NFATC1: variants seen among roughly 807,000 people sequenced by gnomAD.
NFATC1 encodes the protein nuclear factor of activated T-cells, cytoplasmic 1.
In NFATC1, 22 loss-of-function variants were observed where a neutral mutation model predicts 76.0. That is an observed-to-expected ratio of 0.29 (90% CI 0.21 to 0.41). NFATC1 has a LOEUF of 0.41. Ranked by LOEUF, NFATC1 falls within the 10% of genes least tolerant of loss-of-function variation. The pLI, the probability that NFATC1 is intolerant of heterozygous loss-of-function variation, is 1.00. For synonymous variants in NFATC1, 704 were observed against 613.1 expected (o/e 1.15, Z -2.19); for missense variants, 1,357 against 1,337.7 (o/e 1.01, Z -0.23).
chr18:79,489,229 A>G (rs1382975886), intron 9 of NFATC1, among the ~76,000 whole-genome samples: 1 of 152,150 alleles, frequency 6.6e-6, no homozygotes, highest in Non-Finnish European at 1.5e-5. Flanking sequence ...TTGGAGCTGC[A>G]TGGGTGTGGG....
At chr18:79,473,209 G>T (rs1251798770) in intron 8 of NFATC1, among the ~76,000 whole-genome samples, 2 of 152,268 alleles carry the variant, frequency 1.3e-5, no homozygotes, top group Admixed American at 1.3e-4. Context: ...GTGCTTCTGG[G>T]GTTGGAGCTG....
intron 1 of NFATC1, among the ~76,000 whole-genome samples, chr18:79,397,416 T>C (rs62096864): frequency 0.13 from 14,876 of 117,772 alleles, 1,030 homozygotes; most frequent in Non-Finnish European, 0.18. Context: ...GGGGCTTGCT[T>C]GAGAACCGGG....
At chr18:79,489,543 T>C (rs1372328545) in intron 9 of NFATC1, among the ~76,000 whole-genome samples, 1 of 152,128 alleles carries the variant, frequency 6.6e-6, no homozygotes, top group African/African-American at 2.4e-5. Flanking sequence ...GAGGACAACC[T>C]CTCCCCGCAG....
At chr18:79,400,144 C>A (rs1208247305) in intron 1 of NFATC1, 4 of 891,032 alleles carry the variant, frequency 4.5e-6, no homozygotes, top group East Asian at 8.3e-5. Flanking sequence ...CGCGAGGGGG[C>A]GGGGGCGGGG....
At position 79,400,684 on chromosome 18, in the gene NFATC1, G is replaced by C. The variant is rs1310819070; in HGVS notation, c.127+4333G>C. Among the ~76,000 whole-genome samples, 5 of 61,024 alleles carry C rather than the reference G, an allele frequency of 8.2e-5. No individual in the cohort carries two copies. In the East Asian group the frequency reaches 3.5e-3, roughly 42 times the overall value. The allele number at this position is 61,024 out of a possible 152,430, so 40.0% of individuals were successfully genotyped here. On this transcript the variant is annotated intron_variant, in intron 1 of 9. Coordinates refer to ENST00000427363, the MANE Select transcript of NFATC1 (RefSeq NM_001278669.2). ...CTCCGAGCGCTCGCGGCGGGGTCCT[G>C]GGGGAAGAGCGCAGCCCGGACACGG...
intron 1 of NFATC1, among the ~76,000 whole-genome samples, chr18:79,408,724 A>G (rs2085526385): frequency 6.6e-6 from 1 of 152,190 alleles, no homozygotes; most frequent in African/African-American, 2.4e-5. Context: ...TCCACCATCC[A>G]TCATCATCCA....
intron 9 of NFATC1, among the ~76,000 whole-genome samples, chr18:79,492,578 G>A (rs532630335): frequency 3.9e-5 from 6 of 152,198 alleles, no homozygotes; most frequent in South Asian, 2.1e-4. Context: ...GAGTGGTGGC[G>A]GGCGCCTGTA....
intron 6 of NFATC1, among the ~76,000 whole-genome samples, chr18:79,457,819 T>C (rs1260042145): frequency 3.9e-5 from 6 of 152,154 alleles, no homozygotes; most frequent in African/African-American, 1.4e-4. Context: ...TCCTGCCGGC[T>C]GTGGTGCCTG....
chr18:79,467,730 G>T, intron 8 of NFATC1, 148 bp downstream of exon 8: 1 of 1,260,740 alleles, frequency 7.9e-7, no homozygotes, highest in Non-Finnish European at 1.0e-6. Flanking sequence ...AGCCATCGAT[G>T]CCCTGAAAAG....
intron 8 of NFATC1, among the ~76,000 whole-genome samples, chr18:79,481,492 T>A (rs534952187): frequency 1.6e-4 from 25 of 152,340 alleles, no homozygotes; most frequent in African/African-American, 6.0e-4. Flanking sequence ...GCCCCCTGAC[T>A]TGCACAGGCA....
intron 2 of NFATC1, among the ~76,000 whole-genome samples, chr18:79,427,886 G>GCTGGACGGCTGGCCTCTGTGCAT (rs1568949248): frequency 7.0e-6 from 1 of 142,846 alleles, no homozygotes; most frequent in Admixed American, 6.9e-5. Context: ...CCTCTGTGCA[G>GCTGGACGGCTGGCCTCTGTGCAT]TGAGTCGGGG....
intron 8 of NFATC1, among the ~76,000 whole-genome samples, chr18:79,472,639 C>T (rs1291202661): frequency 1.3e-5 from 2 of 152,196 alleles, no homozygotes; most frequent in Admixed American, 6.5e-5. Context: ...TCTTCCCCTC[C>T]CCCTCCCCTC....
chr18:79,492,873 C>CAA (rs397937205), intron 9 of NFATC1, among the ~76,000 whole-genome samples: 1,990 of 68,556 alleles, frequency 0.029, 62 homozygotes, highest in African/African-American at 0.13. Context: ...GACTCCATCT[C>CAA]AAAAAAAAAA....
chr18:79,461,276 CAG>C lies in NFATC1; in HGVS notation c.1904-32_1904-31del, dbSNP rs767543895. 3.7e-6 allele frequency: 6 copies of C among 1,613,222 alleles called. No homozygotes were observed. The Middle Eastern group carries it at 9.9e-4, about 266-fold the overall frequency. On this transcript the variant is annotated intron_variant, in intron 6 of 9. Transcript: ENST00000427363. Reference sequence around the variant, plus strand: ...TCTGGGGAGGGGGCTCCCCACCACACAGAGTCACAGACGTTTCCTGCTCCTTT... The same window carrying C: ...TCTGGGGAGGGGGCTCCCCACCACACAGTCACAGACGTTTCCTGCTCCTTT...
intron 2 of NFATC1, among the ~76,000 whole-genome samples, chr18:79,414,428 G>A (rs770319384): frequency 3.3e-5 from 5 of 152,200 alleles, no homozygotes; most frequent in Non-Finnish European, 5.9e-5. Flanking sequence ...CCCAGGGACC[G>A]TCTAGGATTG....
intron 6 of NFATC1, among the ~76,000 whole-genome samples, chr18:79,455,084 C>T (rs1242847013): frequency 3.9e-5 from 6 of 152,340 alleles, no homozygotes; most frequent in Admixed American, 6.5e-5. Context: ...AGACAGAAGG[C>T]GCAAGGTTCT....
At chr18:79,520,221 G>A (rs2090482894) in intron 9 of NFATC1, among the ~76,000 whole-genome samples, 1 of 152,168 alleles carries the variant, frequency 6.6e-6, no homozygotes, top group African/African-American at 2.4e-5. Flanking sequence ...TGCGCTGCCG[G>A]GAGGTCCGGA....
intron 2 of NFATC1, among the ~76,000 whole-genome samples, chr18:79,412,418 G>T (rs2085724793): frequency 6.6e-6 from 1 of 151,990 alleles, no homozygotes; most frequent in Non-Finnish European, 1.5e-5. Context: ...TTCCAGGCTG[G>T]GTGTTTTCCT....
intron 9 of NFATC1, among the ~76,000 whole-genome samples, chr18:79,488,080 G>T (rs749050438): frequency 2.6e-4 from 40 of 152,156 alleles, no homozygotes; most frequent in Non-Finnish European, 5.3e-4. Flanking sequence ...CCTGACCCAG[G>T]GGGGGCAGGG....
Sources: allele counts gnomAD v4.1 joint callset (sites outside exome capture counted in the v4.1 genomes callset), GRCh38; gene constraint gnomAD v4.1.1; transcripts MANE v1.5; gene names NCBI Gene and HGNC (gene_info 2026-07-23, HGNC 2026-07-21).